Variants in PSEN1 observed in about 807,000 individuals in gnomAD.
The protein encoded by PSEN1 is presenilin-1.
Under a neutral mutation model 53.5 loss-of-function variants are expected in PSEN1, and 15 were observed. The observed-to-expected ratio is 0.28, with a 90% CI of 0.19 to 0.43. PSEN1 has a LOEUF of 0.43. Ranked by LOEUF, PSEN1 falls within the 20% of genes least tolerant of loss-of-function variation. The pLI, the probability that PSEN1 is intolerant of heterozygous loss-of-function variation, is 1.00. For missense variants in PSEN1, 387 were observed against 571.2 expected (o/e 0.68, Z 3.29); for synonymous variants, 208 against 209.8 (o/e 0.99, Z 0.08).
At chr14:73,200,187 C>CT (rs567228074) in intron 8 of PSEN1, among the ~76,000 whole-genome samples, 4 of 152,100 alleles carry the variant, frequency 2.6e-5, no homozygotes, top group Non-Finnish European at 4.4e-5. Flanking sequence ...ATTATTTGAA[C>CT]TTTTTTTCAT....
chr14:73,193,085 C>T (rs2140094381), intron 7 of PSEN1, among the ~76,000 whole-genome samples: 1 of 151,916 alleles, frequency 6.6e-6, no homozygotes, highest in East Asian at 1.9e-4. Flanking sequence ...CTGAGGCGGG[C>T]AGATCACCTA....
At chr14:73,161,707 T>C (rs1897542126) in intron 3 of PSEN1, among the ~76,000 whole-genome samples, 1 of 152,180 alleles carries the variant, frequency 6.6e-6, no homozygotes, top group Non-Finnish European at 1.5e-5. Context: ...GGAAGCTGGC[T>C]GAGCCTTGGT....
chr14:73,198,614 C>T (rs1217922627), intron 8 of PSEN1, among the ~76,000 whole-genome samples: 1 of 152,046 alleles, frequency 6.6e-6, no homozygotes, highest in African/African-American at 2.4e-5. Context: ...TTGCCATGAT[C>T]TAGGTGGAAA....
intron 3 of PSEN1, among the ~76,000 whole-genome samples, chr14:73,157,193 T>C (rs1017770037): frequency 3.3e-5 from 5 of 151,952 alleles, no homozygotes; most frequent in East Asian, 3.9e-4. Flanking sequence ...TGGCATGATC[T>C]TGGCTCACTG....
At chr14:73,202,442 ATATATATATATATATATATATTTTTTTTT>A (rs1899245617) in intron 8 of PSEN1, among the ~76,000 whole-genome samples, 1 of 15,348 alleles carries the variant, frequency 6.5e-5, no homozygotes, top group Non-Finnish European at 1.1e-4. Flanking sequence ...ATATATATAT[ATATATATATATATATATATATTTTTTTTT>A]TTTTTTTTTT....
intron 5 of PSEN1, among the ~76,000 whole-genome samples, chr14:73,182,487 G>A (rs946986891): frequency 6.6e-6 from 1 of 151,902 alleles, no homozygotes; most frequent in African/African-American, 2.4e-5. Flanking sequence ...ACACAGTGAG[G>A]CCCTATCTCA....
At position 73,165,049 on chromosome 14, in the gene PSEN1, C is replaced by T. The variant is rs190378288; in HGVS notation, c.88-5748C>T. ...TTGGCTCACTGCAACCTCTGCTTCC[C>T]GGGTTCAAACGATTCGCCTGCCTCA... On this transcript the variant is annotated intron_variant, in intron 3 of 11. Transcript: ENST00000324501. Among the ~76,000 whole-genome samples, 416 of 152,158 alleles carry T rather than the reference C, an allele frequency of 2.7e-3. 4 individuals are homozygous for T. The highest frequency in any genetic ancestry group is 0.024 in the Middle Eastern group (7 of 294).
At chr14:73,160,651 CT>C (rs1197910799) in intron 3 of PSEN1, among the ~76,000 whole-genome samples, 1 of 151,624 alleles carries the variant, frequency 6.6e-6, no homozygotes, top group Non-Finnish European at 1.5e-5. Context: ...AGCATCTTTT[CT>C]TTTTTCCCCC....
intron 8 of PSEN1, 40 bp downstream of exon 8, chr14:73,198,169 A>G: frequency 8.2e-7 from 1 of 1,214,160 alleles, no homozygotes. Context: ...TAATCAGTGT[A>G]GAATTTATCG....
At chr14:73,141,790 G>A (rs1010241346) in intron 1 of PSEN1, among the ~76,000 whole-genome samples, 2 of 150,800 alleles carry the variant, frequency 1.3e-5, no homozygotes, top group African/African-American at 2.4e-5. Flanking sequence ...CATCTTGGCC[G>A]GGTGCCGTGG....
chr14:73,196,932 CTTTTTTTTTTTTT>C (rs557577799), intron 7 of PSEN1, among the ~76,000 whole-genome samples: 3 of 128,848 alleles, frequency 2.3e-5, no homozygotes, highest in East Asian at 4.6e-4. Flanking sequence ...TTCTTTCTTT[CTTTTTTTTTTTTT>C]TTTTTGAGAC....
chr14:73,153,564 A>T (rs1897280200), intron 3 of PSEN1, among the ~76,000 whole-genome samples: 1 of 152,176 alleles, frequency 6.6e-6, no homozygotes, highest in African/African-American at 2.4e-5. Flanking sequence ...TTAACTTGCC[A>T]GTTCTTTGGT....
intron 1 of PSEN1, among the ~76,000 whole-genome samples, chr14:73,142,686 A>G (rs974990975): frequency 6.6e-6 from 1 of 152,224 alleles, no homozygotes; most frequent in African/African-American, 2.4e-5. Context: ...ATAATTTCTG[A>G]AGTGCTGATG....
intron 6 of PSEN1, chr14:73,189,780 T>C: frequency 4.4e-6 from 1 of 227,574 alleles, no homozygotes; most frequent in Non-Finnish European, 9.1e-6. Context: ...AGATGCCAGC[T>C]GAGGTCCTGC....
rs1214365958 is a variant in PSEN1, at chr14:73,173,632, T to C, written c.405T>C (p.Asn135=). The part of the protein sequence containing the change: ...VGQRALHSIL[N]AAIMISVIVV... Reference sequence around the variant, plus strand: ...AGAGAGCCCTGCACTCAATTCTGAATGCTGCCATCATGATCAGTGTCATTG... The same window carrying C: ...AGAGAGCCCTGCACTCAATTCTGAACGCTGCCATCATGATCAGTGTCATTG... Residue 135 remains asparagine (N), a synonymous_variant, in exon 5 of 12, where the codon AAT becomes AAC. Transcript: ENST00000324501. The C allele has an allele frequency of 6.2e-6, 10 of 1,613,834 alleles. No homozygotes were observed. The highest frequency in any genetic ancestry group is 7.6e-6 in the Non-Finnish European group (9 of 1,179,700).
chr14:73,199,691 G>A (rs927154682), intron 8 of PSEN1, among the ~76,000 whole-genome samples: 3 of 152,196 alleles, frequency 2.0e-5, no homozygotes, highest in Non-Finnish European at 4.4e-5. Flanking sequence ...AGCTGTGCCT[G>A]TTTACATTCC....
chr14:73,194,434 AT>A (rs1159577268), intron 7 of PSEN1, among the ~76,000 whole-genome samples: 2 of 151,320 alleles, frequency 1.3e-5, no homozygotes, highest in Non-Finnish European at 2.9e-5. Flanking sequence ...TTAAAAAAAA[AT>A]TTTTTTTCAG....
chr14:73,177,688 T>C (rs894116090), intron 5 of PSEN1, among the ~76,000 whole-genome samples: 1 of 152,244 alleles, frequency 6.6e-6, no homozygotes, highest in South Asian at 2.1e-4. Flanking sequence ...ATTTAAAAAA[T>C]GCTCTTCTGC....
intron 8 of PSEN1, among the ~76,000 whole-genome samples, chr14:73,202,462 A>ATAT (rs1466249857): frequency 1.7e-4 from 2 of 11,532 alleles, no homozygotes; most frequent in African/African-American, 8.5e-4. Flanking sequence ...ATATATATAT[A>ATAT]TTTTTTTTTT....
Sources: gnomAD v4.1 joint callset for allele counts (sites outside exome capture counted in the v4.1 genomes callset) on GRCh38, gnomAD v4.1.1 for gene constraint, MANE v1.5 for transcripts, NCBI Gene and HGNC (gene_info 2026-07-23, HGNC 2026-07-21) for gene names.